UNC5C: variants seen among roughly 807,000 people sequenced by gnomAD.
UNC5C encodes the protein netrin receptor UNC5C.
UNC5C carries 47 observed loss-of-function variants against 99.8 expected under a neutral mutation model. The ratio of observed to expected loss-of-function variants is 0.47; its 90% confidence interval spans 0.37 to 0.60. UNC5C has a LOEUF of 0.60. Among genes scored for constraint, UNC5C ranks in the 20% least tolerant of loss-of-function variants. The probability of loss-of-function intolerance (pLI) is 0.00; values close to 1 mark genes in which losing one functional copy is unlikely to be tolerated. For missense variants in UNC5C, 1,062 were observed against 1,165.9 expected, an observed-to-expected ratio of 0.91 and a Z score of 1.30; for synonymous variants, 487 against 452.2, an observed-to-expected ratio of 1.08 and a Z score of -0.98.
chr4:95,215,429 A>G (rs1352873903), intron 10 of UNC5C, among the ~76,000 whole-genome samples: 3 of 152,238 alleles, frequency 2.0e-5, no homozygotes, highest in Non-Finnish European at 4.4e-5. Flanking sequence ...ATCAAGAAAT[A>G]CCCAATACGA....
intron 1 of UNC5C, among the ~76,000 whole-genome samples, chr4:95,500,908 T>G (rs1721760762): frequency 6.6e-6 from 1 of 152,142 alleles, no homozygotes; most frequent in Non-Finnish European, 1.5e-5. Flanking sequence ...GCATATCATG[T>G]GCTATTACAT....
intron 12 of UNC5C, among the ~76,000 whole-genome samples, chr4:95,192,862 T>C (rs901478112): frequency 3.3e-5 from 5 of 152,228 alleles, no homozygotes. Flanking sequence ...GGGGCAGTTA[T>C]GCTATTTGTG....
intron 5 of UNC5C, 125 bp downstream of exon 5, chr4:95,250,362 G>C (rs952658449): frequency 9.6e-7 from 1 of 1,039,176 alleles, no homozygotes; most frequent in Non-Finnish European, 1.4e-6. Context: ...GCCAGCCTGG[G>C]TGACAGAGCA....
intron 1 of UNC5C, among the ~76,000 whole-genome samples, chr4:95,378,673 T>C (rs1744972802): frequency 6.6e-6 from 1 of 152,160 alleles, no homozygotes; most frequent in African/African-American, 2.4e-5. Flanking sequence ...TACTTCAAAC[T>C]GTATTTGATT....
In UNC5C at chr4:95,265,720, CTTT is replaced by C. The variant is rs918866133; in HGVS notation, c.594+12536_594+12538del. Among the ~76,000 whole-genome samples, 12 of 152,000 alleles carry C rather than the reference CTTT, an allele frequency of 7.9e-5. No homozygotes were observed. The South Asian group carries it at 2.1e-3, about 26-fold the overall frequency. On this transcript the variant is annotated intron_variant, in intron 4 of 15. Coordinates refer to ENST00000453304, the MANE Select transcript of UNC5C (RefSeq NM_003728.4). ...TTTTGAAAACATACAGTCAAAAAAA[CTTT>C]TTTTTGTTATAAGGAAAACAGTGCT...
intron 1 of UNC5C, among the ~76,000 whole-genome samples, chr4:95,544,861 G>C (rs773476630): frequency 9.2e-5 from 14 of 152,208 alleles, no homozygotes; most frequent in Non-Finnish European, 1.5e-4. Flanking sequence ...AGTGGTTGCA[G>C]CCTGTAATTT....
chr4:95,529,403 T>C (rs960049087), intron 1 of UNC5C, among the ~76,000 whole-genome samples: 4 of 149,896 alleles, frequency 2.7e-5, no homozygotes, highest in African/African-American at 4.9e-5. Flanking sequence ...TCCACATCTA[T>C]ACTTCTAGTC....
chr4:95,285,001 A>C (rs992511927), intron 3 of UNC5C, among the ~76,000 whole-genome samples: 2 of 152,180 alleles, frequency 1.3e-5, no homozygotes, highest in African/African-American at 4.8e-5. Flanking sequence ...ATTTTAGAAG[A>C]CTAGGAGAAA....
At chr4:95,269,267 C>T (rs1416672197) in intron 4 of UNC5C, among the ~76,000 whole-genome samples, 2 of 152,034 alleles carry the variant, frequency 1.3e-5, no homozygotes, top group Admixed American at 1.3e-4. Context: ...CTTCTGAGAA[C>T]CAGTACTGCA....
At chr4:95,537,913 A>C (rs543798431) in intron 1 of UNC5C, among the ~76,000 whole-genome samples, 18 of 152,248 alleles carry the variant, frequency 1.2e-4, no homozygotes, top group African/African-American at 4.1e-4. Context: ...TAAAAGTAAA[A>C]AAAATCACTT....
At chr4:95,346,117 A>G (rs1040895928) in intron 1 of UNC5C, among the ~76,000 whole-genome samples, 4 of 151,978 alleles carry the variant, frequency 2.6e-5, no homozygotes, top group African/African-American at 9.7e-5. Flanking sequence ...CTGATACTAT[A>G]GAAATTCAAA....
chr4:95,250,755 T>C, intron 4 of UNC5C, 88 bp from the exon 5 acceptor site: 1 of 1,362,384 alleles, frequency 7.3e-7, no homozygotes, highest in African/African-American at 1.5e-5. Context: ...ACACTTGATC[T>C]TAGCCAAAAG....
chr4:95,448,227 TGAGAGAGA>T lies in UNC5C; in HGVS notation c.124+100499_124+100506del, dbSNP rs1208781802. ...GTGTGTGTGTGTGTGTGTGTGTGTGTGAGAGAGAGAGAGAGAGAGAGAGAGAGAGAGAG... is the reference window on the plus strand; with the variant it reads ...GTGTGTGTGTGTGTGTGTGTGTGTGTGAGAGAGAGAGAGAGAGAGAGAGAG... On this transcript the variant is annotated intron_variant, in intron 1 of 15. Coordinates refer to ENST00000453304, the MANE Select transcript of UNC5C (RefSeq NM_003728.4). 3.3e-3 allele frequency among the ~76,000 whole-genome samples: 330 copies of T among 100,144 alleles called. 1 individual carries two copies. The highest frequency in any genetic ancestry group is 0.029 in the East Asian group (104 of 3,604). The allele number at this position is 100,144 out of a possible 152,430, so 65.7% of individuals were successfully genotyped here.
chr4:95,483,603 T>C (rs1721237296), intron 1 of UNC5C, among the ~76,000 whole-genome samples: 1 of 151,820 alleles, frequency 6.6e-6, no homozygotes, highest in Non-Finnish European at 1.5e-5. Context: ...TTCTATATTG[T>C]ATTCTCATTA....
chr4:95,501,931 G>A (rs939770610), intron 1 of UNC5C, among the ~76,000 whole-genome samples: 1 of 152,062 alleles, frequency 6.6e-6, no homozygotes, highest in Non-Finnish European at 1.5e-5. Context: ...TTGATTGGAA[G>A]CCTGTGGTGA....
intron 1 of UNC5C, among the ~76,000 whole-genome samples, chr4:95,401,948 G>A (rs1413501989): frequency 2.6e-5 from 4 of 152,322 alleles, no homozygotes; most frequent in Non-Finnish European, 5.9e-5. Context: ...TTCGAAAGTG[G>A]TATCTTACTG....
intron 4 of UNC5C, among the ~76,000 whole-genome samples, chr4:95,273,493 G>A (rs1187652928): frequency 2.6e-5 from 4 of 152,168 alleles, no homozygotes; most frequent in Non-Finnish European, 4.4e-5. Flanking sequence ...ATTTCATAGA[G>A]TGCTGCTATT....
chr4:95,398,044 C>CTTTTTTTTTTTTTT lies in UNC5C; in HGVS notation c.125-62427_125-62414dup, dbSNP rs34609153. On this transcript the variant is annotated intron_variant, in intron 1 of 15. Coordinates refer to ENST00000453304, the MANE Select transcript of UNC5C (RefSeq NM_003728.4). ...CCCAATGAGAAGTAGCCAAATGTAG[C>CTTTTTTTTTTTTTT]TTTTTTTTTTTTTTTTTTTGCTTAT... is the stretch of plus-strand genomic sequence containing the variant. Among the ~76,000 whole-genome samples the CTTTTTTTTTTTTTT allele has an allele frequency of 9.1e-4, 87 of 95,888 alleles. 6 individuals carry two copies. The highest frequency in any genetic ancestry group is 1.9e-3 in the African/African-American group (39 of 20,450). The allele number at this position is 95,888 out of a possible 152,430, so 62.9% of individuals were successfully genotyped here. A position where few individuals can be genotyped will look rare whatever the true frequency, so the allele number is the denominator to read the frequency against.
intron 1 of UNC5C, among the ~76,000 whole-genome samples, chr4:95,541,632 A>C (rs1722923468): frequency 6.6e-6 from 1 of 151,966 alleles, no homozygotes; most frequent in Non-Finnish European, 1.5e-5. Context: ...CTACATATTT[A>C]TATTTTATAT....
Sources: gnomAD v4.1 joint callset for allele counts (sites outside exome capture counted in the v4.1 genomes callset) on GRCh38, gnomAD v4.1.1 for gene constraint, MANE v1.5 for transcripts, NCBI Gene and HGNC (gene_info 2026-07-23, HGNC 2026-07-21) for gene names.